Variants in STX1A observed in about 807,000 individuals in gnomAD.
STX1A encodes syntaxin-1A.
Under a neutral mutation model 37.8 loss-of-function variants are expected in STX1A, and 4 were observed. The ratio of observed to expected loss-of-function variants is 0.11; its 90% confidence interval spans 0.05 to 0.24. The LOEUF (loss-of-function observed/expected upper bound fraction) is 0.24, where lower values mean the gene tolerates loss of function less well. Among genes scored for constraint, STX1A ranks in the 10% least tolerant of loss-of-function variants. The probability of loss-of-function intolerance (pLI) is 1.00; values close to 1 mark genes in which losing one functional copy is unlikely to be tolerated. For missense variants in STX1A, 251 were observed against 399.9 expected (o/e 0.63, Z 3.18); for synonymous variants, 135 against 147.4 (o/e 0.92, Z 0.61).
At position 73,717,574 on chromosome 7, in the gene STX1A, G is replaced by T. The variant is rs1799332790; in HGVS notation, c.30+2028C>A. ...AGACTGACTGTCTCACCCCACCCCG[G>T]GTGGGCTCCTGCCTGCCAGCCGTCC... On this transcript the variant is annotated intron_variant, in intron 1 of 9. Transcript: ENST00000222812. This position sits in a 1 kb window ranked among gnomAD's most constrained non-coding sequence, Gnocchi z 4.1. Among the ~76,000 whole-genome samples, 1 of 152,040 alleles carries T rather than the reference G, an allele frequency of 6.6e-6. No individual in the cohort carries two copies. Among genetic ancestry groups the T allele is most frequent in the Non-Finnish European group, 1.5e-5 (1 of 67,984 alleles).
chr7:73,707,935 G>GA lies in STX1A; in HGVS notation c.208+653dup, dbSNP rs67491539. On this transcript the variant is annotated intron_variant, in intron 3 of 9. Coordinates refer to ENST00000222812, the MANE Select transcript of STX1A (RefSeq NM_004603.4). The stretch of plus-strand genomic sequence containing the variant: ...GGGTGACAGAGCAAGACTCCGTCTT[G>GA]AAAAAAAAAAAAAGAAAAAAGAAAA... 4.2e-3 allele frequency among the ~76,000 whole-genome samples: 504 copies of GA among 119,054 alleles called. 1 individual carries two copies. Among genetic ancestry groups the GA allele is most frequent in the African/African-American group, 0.015 (446 of 30,356 alleles). 78.1% of individuals were successfully genotyped at this position (119,054 alleles called of 152,430 possible).
chr7:73,715,208 G>A (rs1213560537), intron 1 of STX1A, among the ~76,000 whole-genome samples: 1 of 151,894 alleles, frequency 6.6e-6, no homozygotes, highest in Non-Finnish European at 1.5e-5. Context: ...CAGATCACGA[G>A]GTCAAGAGAT....
intron 1 of STX1A, among the ~76,000 whole-genome samples, chr7:73,712,319 C>T (rs868987437): frequency 2.6e-5 from 4 of 151,492 alleles, no homozygotes; most frequent in Non-Finnish European, 5.9e-5. Context: ...GGATCAGACC[C>T]CACTCCCCCA....
rs559326813 is a variant in STX1A at position 73,706,001 on chromosome 7, G to A, written c.209-777C>T. 7 of 152,482 alleles carry A rather than the reference G, an allele frequency of 4.6e-5. No homozygotes were observed. Among genetic ancestry groups the A allele is most frequent in the Admixed American group, 4.6e-4 (7 of 15,306 alleles). The allele number at this position is 152,482 out of a possible 1,614,324, so 9.4% of individuals were successfully genotyped here. The stretch of plus-strand genomic sequence containing the variant: ...TTGCCCCCCTGCCTGAGAGAAGCTG[G>A]ATGGAAAAGTGGGACAAGACAGCTG... On this transcript the variant is annotated intron_variant, in intron 3 of 9. Coordinates refer to ENST00000222812, the MANE Select transcript of STX1A (RefSeq NM_004603.4). This position sits in a 1 kb window ranked among gnomAD's most constrained non-coding sequence, Gnocchi z 4.6.
At chr7:73,719,460 C>T (rs1304259573) in intron 1 of STX1A, 142 bp downstream of exon 1, 1 of 858,430 alleles carries the variant, frequency 1.2e-6, no homozygotes, top group Non-Finnish European at 1.5e-6. Flanking sequence ...GGTCGAGGTC[C>T]CTGGCTCGCC....
At chr7:73,719,502 G>A (rs1433791075) in intron 1 of STX1A, 100 bp downstream of exon 1, 2 of 1,103,360 alleles carry the variant, frequency 1.8e-6, no homozygotes, top group Admixed American at 4.6e-5. Context: ...GGGGGCGCAG[G>A]AGCGGCCACC....
At chr7:73,704,907 G>A (rs1372978340) in intron 4 of STX1A, 2 of 590,810 alleles carry the variant, frequency 3.4e-6, no homozygotes, top group African/African-American at 3.7e-5. Flanking sequence ...GAGGGGCAGT[G>A]CCCATCCAGA....
Position 73,704,167 on chromosome 7 carries a change from G to A in STX1A, c.447C>T (p.Ile149=). Residue 149 remains isoleucine, a synonymous_variant, in exon 6 of 10, where the codon ATC becomes ATT. Coordinates refer to ENST00000222812, the MANE Select transcript of STX1A (RefSeq NM_004603.4). The part of the protein sequence containing the change: ...SDYRERCKGR[I]QRQLEITGRT... The stretch of plus-strand genomic sequence containing the variant: ...GCTCACTGATCTCCAGCTGCCTCTG[G>A]ATGCGGCCTTTGCAGCGCTCGCGGT... The A allele has an allele frequency of 6.2e-7, 1 of 1,611,642 alleles. No homozygotes were observed. The highest frequency in any genetic ancestry group is 8.5e-7 in the Non-Finnish European group (1 of 1,179,928).
chr7:73,711,171 ATTTTTTT>A (rs1288377636), intron 1 of STX1A: 1 of 138,020 alleles, frequency 7.2e-6, no homozygotes, highest in South Asian at 2.3e-4. Flanking sequence ...CTACTTTTTG[ATTTTTTT>A]TTTTTTTTTG....
chr7:73,700,560 G>A lies in STX1A; in HGVS notation c.790-76C>T, dbSNP rs1554615692. ...GGGTGGGACTATGGCAAAGGCTGAG[G>A]ACTGGACAGTCGGGGGGGATCCAAG... On this transcript the variant is annotated intron_variant, in intron 9 of 9. Transcript: ENST00000222812. This position sits in a 1 kb window ranked among gnomAD's most constrained non-coding sequence, Gnocchi z 4.4. 4 of 1,565,614 alleles carry A rather than the reference G, an allele frequency of 2.6e-6. No homozygotes were observed. Among genetic ancestry groups the A allele is most frequent in the African/African-American group, 1.4e-5 (1 of 73,644 alleles).
rs550008235 is a variant in STX1A at position 73,702,492 on chromosome 7, A to G, written c.678+353T>C. Reference sequence around the variant, plus strand: ...CTTTTGCCCAACAGCCATTCACTCCAGGAAGCAGGTCCCTGAGCTGTCCTG... The same window carrying G: ...CTTTTGCCCAACAGCCATTCACTCCGGGAAGCAGGTCCCTGAGCTGTCCTG... On this transcript the variant is annotated intron_variant, in intron 8 of 9. Coordinates refer to ENST00000222812, the MANE Select transcript of STX1A (RefSeq NM_004603.4). The surrounding 1 kb of genome is among the most constrained non-coding windows in gnomAD (Gnocchi z 4.7). 26 of 445,442 alleles carry G rather than the reference A, an allele frequency of 5.8e-5. 1 individual carries two copies. The highest frequency in any genetic ancestry group is 4.2e-4 in the African/African-American group (21 of 50,036). 27.6% of individuals were successfully genotyped at this position (445,442 alleles called of 1,614,324 possible).
At chr7:73,701,533 A>AG (rs1554615882) in intron 8 of STX1A, among the ~76,000 whole-genome samples, 1 of 149,846 alleles carries the variant, frequency 6.7e-6, no homozygotes. Context: ...AAAAAGAAAA[A>AG]GAAAAAAAAA....
chr7:73,706,427 C>A lies in STX1A; in HGVS notation c.209-1203G>T, dbSNP rs548422838. Among the ~76,000 whole-genome samples the A allele has an allele frequency of 6.6e-6, 1 of 152,120 alleles. No homozygotes were observed. On this transcript the variant is annotated intron_variant, in intron 3 of 9. Coordinates refer to ENST00000222812, the MANE Select transcript of STX1A (RefSeq NM_004603.4). This position sits in a 1 kb window ranked among gnomAD's most constrained non-coding sequence, Gnocchi z 4.6. Reference sequence around the variant, plus strand: ...GCCTGCCTTGCCCGGGAGAGCCCCCCACTCATTGCCATCTTTCCTTGAGAC... The same window carrying A: ...GCCTGCCTTGCCCGGGAGAGCCCCCAACTCATTGCCATCTTTCCTTGAGAC...
At chr7:73,708,261 T>TA (rs1798951696) in intron 3 of STX1A, among the ~76,000 whole-genome samples, 1 of 73,634 alleles carries the variant, frequency 1.4e-5, no homozygotes. Context: ...AGACTCCATC[T>TA]CAAAAAAAAA....
chr7:73,719,656 G>A lies in STX1A; in HGVS notation c.-25C>T, dbSNP rs1799428339. On this transcript the variant is annotated 5_prime_UTR_variant, in exon 1 of 10. Coordinates refer to ENST00000222812, the MANE Select transcript of STX1A (RefSeq NM_004603.4). The stretch of plus-strand genomic sequence containing the variant: ...TGCTCCCGGGAGTGGCAGCGGCGCC[G>A]GCTGCAGCCGTGTGAGCCCCGCATG... The A allele has an allele frequency of 8.5e-7, 1 of 1,180,674 alleles. No individual in the cohort carries two copies. The highest frequency in any genetic ancestry group is 4.2e-5 in the South Asian group (1 of 23,878). 73.1% of individuals were successfully genotyped at this position (1,180,674 alleles called of 1,614,324 possible).
At chr7:73,714,110 C>CTTT (rs1319851232) in intron 1 of STX1A, among the ~76,000 whole-genome samples, 1 of 142,686 alleles carries the variant, frequency 7.0e-6, no homozygotes, top group Non-Finnish European at 1.5e-5. Context: ...TGTCCTGGCA[C>CTTT]TTTTTTTTTT....
At chr7:73,718,517 G>A (rs1248496612) in intron 1 of STX1A, among the ~76,000 whole-genome samples, 2 of 152,034 alleles carry the variant, frequency 1.3e-5, no homozygotes, top group Non-Finnish European at 2.9e-5. Flanking sequence ...CGGGGTGGGG[G>A]GTGCTCCCAG....
chr7:73,701,391 G>A (rs1424729870), intron 8 of STX1A, among the ~76,000 whole-genome samples: 1 of 152,044 alleles, frequency 6.6e-6, no homozygotes, highest in Non-Finnish European at 1.5e-5. Flanking sequence ...GCGTGGTGGC[G>A]AGCACCTGTA....
At chr7:73,704,307 C>T (rs781986200) in intron 5 of STX1A, 43 bp downstream of exon 5, 1 of 1,613,866 alleles carries the variant, frequency 6.2e-7, no homozygotes. Context: ...GGGACCGACC[C>T]AGAGACTCAG....
Sources: gnomAD v4.1 joint callset for allele counts (sites outside exome capture counted in the v4.1 genomes callset) on GRCh38, gnomAD v4.1.1 for gene constraint, Gnocchi (gnomAD v3.1) non-coding constraint, MANE v1.5 for transcripts, NCBI Gene and HGNC (gene_info 2026-07-23, HGNC 2026-07-21) for gene names.